NCKAP5L: variants seen among roughly 807,000 people sequenced by gnomAD.
NCKAP5L encodes the protein nck-associated protein 5-like.
NCKAP5L carries 54 observed loss-of-function variants against 103.2 expected under a neutral mutation model. The ratio of observed to expected loss-of-function variants is 0.52; its 90% confidence interval spans 0.42 to 0.66. NCKAP5L has a LOEUF of 0.66. NCKAP5L is among the 30% of genes least tolerant of loss of function. NCKAP5L has a pLI of 0.00. For missense variants in NCKAP5L, 1,733 were observed against 1,750.6 expected (o/e 0.99, Z 0.18); for synonymous variants, 762 against 748.6 (o/e 1.02, Z -0.29).
rs149846166 is a variant in NCKAP5L, at chr12:49,794,895, G to A, written c.2965C>T (p.Leu989=). 6.6e-7 allele frequency: 1 copy of A among 1,521,328 alleles called. No individual in the cohort carries two copies. The highest frequency in any genetic ancestry group is 8.8e-7 in the Non-Finnish European group (1 of 1,134,456). 94.2% of individuals were successfully genotyped at this position (1,521,328 alleles called of 1,614,324 possible). ...GGCCGTGGCCGGGCCCGGCTGCTTA[G>A]GTAGGCCTTCTCCTCTTCCAGTGCC... ...RRALEEEKAY[L]SSRARPRPGG... Residue 989 remains leucine, a synonymous_variant, in exon 8 of 13, where the codon CTA becomes TTA. Coordinates refer to ENST00000335999, the MANE Select transcript of NCKAP5L (RefSeq NM_001037806.4).
At chr12:49,808,996 G>T (rs757077843) in intron 1 of NCKAP5L, among the ~76,000 whole-genome samples, 12 of 152,090 alleles carry the variant, frequency 7.9e-5, no homozygotes, top group Non-Finnish European at 1.8e-4. Context: ...GAGAGAAGGA[G>T]GGGGGAGAAG....
At chr12:49,809,954 C>T (rs1385065288) in intron 1 of NCKAP5L, among the ~76,000 whole-genome samples, 1 of 152,104 alleles carries the variant, frequency 6.6e-6, no homozygotes, top group Non-Finnish European at 1.5e-5. Flanking sequence ...CCCCCAACTT[C>T]CGTTTCACAG....
chr12:49,793,976 G>T, intron 8 of NCKAP5L, 80 bp from the exon 9 acceptor site: 1 of 1,295,984 alleles, frequency 7.7e-7, no homozygotes, highest in Non-Finnish European at 1.0e-6. Flanking sequence ...CAATGGTGCT[G>T]GGCTTAGGGA....
At position 49,796,678 on chromosome 12, in the gene NCKAP5L, A is replaced by C. The variant is rs771741858; in HGVS notation, c.1182T>G (p.Gly394=). 2 of 1,587,010 alleles carry C rather than the reference A, an allele frequency of 1.3e-6. No individual in the cohort carries two copies. Among genetic ancestry groups the C allele is most frequent in the Non-Finnish European group, 1.7e-6 (2 of 1,167,624 alleles). The change falls in exon 8 of 13, where the codon GGT becomes GGG. Residue 394 remains glycine, a synonymous_variant. Transcript: ENST00000335999. Reference sequence around the variant, plus strand: ...GGGGCCCCTGGCCCTCTGAGGTAGCACCGAAGCCTGGCCTGTGGGCCTCTG... The same window carrying C: ...GGGGCCCCTGGCCCTCTGAGGTAGCCCCGAAGCCTGGCCTGTGGGCCTCTG... ...GTPEAHRPGF[G]ATSEGQGPLP...
At chr12:49,793,708 A>G (rs777047915) in intron 9 of NCKAP5L, 26 bp downstream of exon 9, 1 of 1,526,962 alleles carries the variant, frequency 6.5e-7, no homozygotes, top group Admixed American at 2.1e-5. Context: ...CAGGCCGTCC[A>G]CCCAGTCCCT....
intron 1 of NCKAP5L, among the ~76,000 whole-genome samples, chr12:49,814,523 T>TG (rs1185430601): frequency 6.6e-6 from 1 of 151,752 alleles, no homozygotes. Flanking sequence ...TTTTCTTCCA[T>TG]TCTGTGGGCT....
chr12:49,806,385 A>G (rs2137018642), intron 1 of NCKAP5L, among the ~76,000 whole-genome samples: 1 of 152,380 alleles, frequency 6.6e-6, no homozygotes, highest in African/African-American at 2.4e-5. Flanking sequence ...GTTCTACAAC[A>G]TACATTGTCT....
chr12:49,822,848 A>C (rs1000010146), intron 1 of NCKAP5L, among the ~76,000 whole-genome samples: 2 of 152,024 alleles, frequency 1.3e-5, no homozygotes, highest in African/African-American at 4.8e-5. Flanking sequence ...CAGAGATTTC[A>C]ATTTTCAAAC....
chr12:49,794,249 G>A (rs947359052), intron 8 of NCKAP5L, among the ~76,000 whole-genome samples: 8 of 152,170 alleles, frequency 5.3e-5, no homozygotes, highest in Non-Finnish European at 8.8e-5. Flanking sequence ...GAACTTCTGA[G>A]CACACCTGCG....
At chr12:49,816,413 GCC>G (rs1435841365) in intron 1 of NCKAP5L, among the ~76,000 whole-genome samples, 1 of 144,984 alleles carries the variant, frequency 6.9e-6, no homozygotes, top group Non-Finnish European at 1.5e-5. Context: ...GGCTCTTAGG[GCC>G]CATAGGACAA....
At chr12:49,801,695 A>G (rs1946119812) in intron 6 of NCKAP5L, among the ~76,000 whole-genome samples, 153 bp downstream of exon 6, 1 of 152,282 alleles carries the variant, frequency 6.6e-6, no homozygotes, top group South Asian at 2.1e-4. Context: ...GGCCAAACCC[A>G]GGGGACTTGG....
At chr12:49,816,771 T>C (rs576443546) in intron 1 of NCKAP5L, among the ~76,000 whole-genome samples, 2 of 149,864 alleles carry the variant, frequency 1.3e-5, no homozygotes, top group African/African-American at 2.5e-5. Context: ...TACTCCAGCC[T>C]GGGTGACAGA....
chr12:49,793,664 C>A, intron 9 of NCKAP5L, 70 bp downstream of exon 9: 1 of 1,470,798 alleles, frequency 6.8e-7, no homozygotes, highest in African/African-American at 1.4e-5. Context: ...GGGGAACCCT[C>A]TAGGGGGTAA....
Position 49,803,931 on chromosome 12 carries a change from C to A in NCKAP5L, c.114G>T (p.Arg38=). The A allele has an allele frequency of 6.2e-7, 1 of 1,608,260 alleles. No individual in the cohort carries two copies. Among genetic ancestry groups the A allele is most frequent in the Non-Finnish European group, 8.5e-7 (1 of 1,179,870 alleles). ...GTCQELLHRL[R]ELEAENSALA... is the part of the protein sequence containing the mutation. ...ACGCCCCATGCCGCACCTCCAGCTC[C>A]CGCAGTCGGTGCAGAAGCTCCTGGC... The change falls in exon 3 of 13, where the codon CGG becomes CGT. Residue 38 remains arginine, a synonymous_variant. Coordinates refer to ENST00000335999, the MANE Select transcript of NCKAP5L (RefSeq NM_001037806.4).
In NCKAP5L at chr12:49,791,800, G is replaced by GT. The variant is rs1945938419; in HGVS notation, c.*38dup. The GT allele has an allele frequency of 1.3e-6, 2 of 1,498,792 alleles. No individual in the cohort carries two copies. Among genetic ancestry groups the GT allele is most frequent in the African/African-American group, 1.4e-5 (1 of 72,072 alleles). 92.8% of individuals were successfully genotyped at this position (1,498,792 alleles called of 1,614,324 possible). ...ATGAAGAGAGCCGGTCCAGTCTGTGGTCCCCAGCTCCAGCGGGGCCGTGGC... is the reference window on the plus strand; with the variant it reads ...ATGAAGAGAGCCGGTCCAGTCTGTGGTTCCCCAGCTCCAGCGGGGCCGTGGC... On this transcript the variant is annotated 3_prime_UTR_variant, in exon 13 of 13. Transcript: ENST00000335999.
At chr12:49,815,896 T>C (rs894761911) in intron 1 of NCKAP5L, among the ~76,000 whole-genome samples, 1 of 152,112 alleles carries the variant, frequency 6.6e-6, no homozygotes, top group Non-Finnish European at 1.5e-5. Context: ...CATAGCAACC[T>C]TCTAAAACTA....
At chr12:49,801,065 G>A (rs1210947896) in intron 6 of NCKAP5L, among the ~76,000 whole-genome samples, 16 of 152,228 alleles carry the variant, frequency 1.1e-4, no homozygotes, top group Admixed American at 7.9e-4. Flanking sequence ...GCCTCTGCAA[G>A]GGCCAAGCTA....
At chr12:49,798,499 T>G in intron 6 of NCKAP5L, 36 bp from the exon 7 acceptor site, 1 of 1,502,750 alleles carries the variant, frequency 6.7e-7, no homozygotes, top group Non-Finnish European at 9.1e-7. Context: ...ACAGTAGCTG[T>G]CTGACCCCAG....
rs745814979 is a variant in NCKAP5L at position 49,795,847 on chromosome 12, C to T, written c.2013G>A (p.Leu671=). ...CCAGGGCCCCCTCGGGGCCTGTCTTCAGCTTCCCCAGGGCCGCCAGTCTGT... is the reference window on the plus strand; with the variant it reads ...CCAGGGCCCCCTCGGGGCCTGTCTTTAGCTTCCCCAGGGCCGCCAGTCTGT... ...LRDRLAALGK[L]KTGPEGALGS... Residue 671 remains leucine (L), a synonymous_variant, in exon 8 of 13, where the codon CTG becomes CTA. Coordinates refer to ENST00000335999, the MANE Select transcript of NCKAP5L (RefSeq NM_001037806.4). 5 of 1,566,656 alleles carry T rather than the reference C, an allele frequency of 3.2e-6. No individual in the cohort carries two copies. The highest frequency in any genetic ancestry group is 4.3e-6 in the Non-Finnish European group (5 of 1,157,966).
Sources: allele counts gnomAD v4.1 joint callset (sites outside exome capture counted in the v4.1 genomes callset), GRCh38; gene constraint gnomAD v4.1.1; transcripts MANE v1.5; gene names NCBI Gene and HGNC (gene_info 2026-07-23, HGNC 2026-07-21).